The following VOPP1 variants were observed in gnomAD, a reference collection of about 807,000 sequenced individuals.
VOPP1 encodes the protein WW domain binding protein VOPP1.
Under a neutral mutation model 23.5 loss-of-function variants are expected in VOPP1, and 8 were observed. The ratio of observed to expected loss-of-function variants is 0.34; its 90% confidence interval spans 0.20 to 0.61. The LOEUF (loss-of-function observed/expected upper bound fraction) is 0.61, where lower values mean the gene tolerates loss of function less well. VOPP1 is among the 20% of genes least tolerant of loss of function. The pLI is 0.78. For synonymous variants in VOPP1, 83 were observed against 97.3 expected, an observed-to-expected ratio of 0.85 and a Z score of 0.86; for missense variants, 174 against 238.1, an observed-to-expected ratio of 0.73 and a Z score of 1.77.
chr7:55,487,107 C>CTG lies in VOPP1; in HGVS notation c.328+5173_328+5174dup, dbSNP rs1363759468. Among the ~76,000 whole-genome samples, 23 of 152,184 alleles carry CTG rather than the reference C, an allele frequency of 1.5e-4. 1 individual carries two copies. The highest frequency in any genetic ancestry group is 2.5e-4 in the Non-Finnish European group (17 of 68,030). On this transcript the variant is annotated intron_variant, in intron 4 of 4. Coordinates refer to ENST00000285279, the MANE Select transcript of VOPP1 (RefSeq NM_030796.5). ...AGATGTCCTCACAACCGAAGCAGCC[C>CTG]TGTTTGTGCTTGGGCTATGACTTGA...
chr7:55,553,218 T>C (rs1797682910), intron 1 of VOPP1, among the ~76,000 whole-genome samples: 1 of 152,220 alleles, frequency 6.6e-6, no homozygotes, highest in Non-Finnish European at 1.5e-5. Flanking sequence ...GGAGCTGCAG[T>C]TCCTCTGTTA....
chr7:55,441,276 G>A (rs776639174), intron 4 of VOPP1, among the ~76,000 whole-genome samples: 4 of 152,114 alleles, frequency 2.6e-5, no homozygotes, highest in Non-Finnish European at 5.9e-5. Flanking sequence ...CATGGCCTAT[G>A]GTACAACTAC....
At chr7:55,541,152 G>A (rs971091690) in intron 1 of VOPP1, among the ~76,000 whole-genome samples, 3 of 152,176 alleles carry the variant, frequency 2.0e-5, no homozygotes, top group Admixed American at 2.0e-4. Flanking sequence ...GGGTTTCTTT[G>A]TGAGGTGATG....
At chr7:55,437,027 G>A (rs756723905) in intron 4 of VOPP1, among the ~76,000 whole-genome samples, 7 of 152,154 alleles carry the variant, frequency 4.6e-5, no homozygotes, top group Admixed American at 6.5e-5. Flanking sequence ...AACGTGTCCC[G>A]AGCAGCATAA....
chr7:55,477,435 A>G (rs1289560633), intron 4 of VOPP1, among the ~76,000 whole-genome samples: 1 of 152,124 alleles, frequency 6.6e-6, no homozygotes, highest in Admixed American at 6.5e-5. Flanking sequence ...CCTGAGACAC[A>G]CCTGTTTCTG....
chr7:55,540,681 C>CT (rs1447603743), intron 1 of VOPP1, among the ~76,000 whole-genome samples: 1 of 152,224 alleles, frequency 6.6e-6, no homozygotes, highest in African/African-American at 2.4e-5. Context: ...ACCACGGGCG[C>CT]TGCCCTCACA....
chr7:55,550,513 A>AG (rs1203675561), intron 1 of VOPP1, among the ~76,000 whole-genome samples: 1 of 152,254 alleles, frequency 6.6e-6, no homozygotes. Flanking sequence ...TCTGTCAGTA[A>AG]GCTCCGGTCT....
downstream of VOPP1, among the ~76,000 whole-genome samples, chr7:55,466,018 G>C (rs1350019129): frequency 6.6e-6 from 1 of 152,180 alleles, no homozygotes; most frequent in African/African-American, 2.4e-5. Context: ...TCATGAGGGG[G>C]AGGGAGCCCT....
intron 1 of VOPP1, among the ~76,000 whole-genome samples, chr7:55,542,549 G>A (rs1481944007): frequency 6.6e-6 from 1 of 152,168 alleles, no homozygotes; most frequent in Non-Finnish European, 1.5e-5. Context: ...CAGCACTTTG[G>A]GAGGCCGAGG....
chr7:55,527,593 G>A (rs1005392417), intron 1 of VOPP1, among the ~76,000 whole-genome samples: 4 of 152,170 alleles, frequency 2.6e-5, no homozygotes, highest in African/African-American at 4.8e-5. Context: ...GGACAGGGGA[G>A]GAGACCTCCT....
downstream of VOPP1, among the ~76,000 whole-genome samples, chr7:55,467,307 T>C (rs975203177): frequency 6.6e-6 from 1 of 152,182 alleles, no homozygotes; most frequent in Non-Finnish European, 1.5e-5. Context: ...TCTGTGCACA[T>C]GGGGTGAGGG....
At chr7:55,518,681 G>A (rs545287495) in intron 2 of VOPP1, among the ~76,000 whole-genome samples, 38 of 152,206 alleles carry the variant, frequency 2.5e-4, no homozygotes, top group Non-Finnish European at 5.0e-4. Context: ...AAGGATGGCC[G>A]CTGTGTGCCA....
intron 1 of VOPP1, among the ~76,000 whole-genome samples, chr7:55,547,101 T>A (rs1017851629): frequency 1.3e-5 from 2 of 152,222 alleles, no homozygotes; most frequent in African/African-American, 4.8e-5. Flanking sequence ...CCAGGTCAGC[T>A]GTTAAGACTT....
intron 2 of VOPP1, among the ~76,000 whole-genome samples, chr7:55,503,454 T>A (rs1029858761): frequency 2.6e-5 from 4 of 152,178 alleles, no homozygotes; most frequent in Admixed American, 2.6e-4. Context: ...AAGGAAAGGA[T>A]AACATACTAG....
chr7:55,536,090 C>T (rs1174071344), intron 1 of VOPP1, among the ~76,000 whole-genome samples: 6 of 152,188 alleles, frequency 3.9e-5, no homozygotes, highest in Non-Finnish European at 8.8e-5. Context: ...AGTGCCTGAC[C>T]CAGGCCAAGC....
intron 4 of VOPP1, among the ~76,000 whole-genome samples, chr7:55,490,475 C>T (rs1793487976): frequency 6.6e-6 from 1 of 152,180 alleles, no homozygotes; most frequent in South Asian, 2.1e-4. Context: ...GTCTCAGCAC[C>T]TCACCTACTC....
chr7:55,457,573 C>T (rs139771041), intron 4 of VOPP1, among the ~76,000 whole-genome samples: 1,829 of 152,126 alleles, frequency 0.012, 13 homozygotes, highest in Admixed American at 0.021. Flanking sequence ...TTTATATATC[C>T]ACCAACAGTG....
chr7:55,540,805 C>G (rs998393208), intron 1 of VOPP1, among the ~76,000 whole-genome samples: 3 of 152,122 alleles, frequency 2.0e-5, no homozygotes, highest in Admixed American at 6.5e-5. Context: ...GAGACAGAGT[C>G]GATGCCACAA....
At chr7:55,539,060 G>T (rs536221439) in intron 1 of VOPP1, among the ~76,000 whole-genome samples, 2 of 149,338 alleles carry the variant, frequency 1.3e-5, no homozygotes, top group Admixed American at 6.7e-5. Context: ...GGAGGGGCGG[G>T]GTGCCGGGTG....
Sources: gnomAD v4.1 joint callset for allele counts (sites outside exome capture counted in the v4.1 genomes callset) on GRCh38, gnomAD v4.1.1 for gene constraint, MANE v1.5 for transcripts, NCBI Gene and HGNC (gene_info 2026-07-23, HGNC 2026-07-21) for gene names.